OR7E24: variants seen among roughly 807,000 people sequenced by gnomAD.
OR7E24 encodes olfactory receptor 7E24.
For synonymous variants in OR7E24, 130 were observed against 157.5 expected (o/e 0.83, Z 1.31); for missense variants, 385 against 410.3 (o/e 0.94, Z 0.53).
chr19:9,229,776 A>C, the OR7E24 span, among the ~76,000 whole-genome samples: 1 of 152,176 alleles, frequency 6.6e-6, no homozygotes, highest in Non-Finnish European at 1.5e-5. Flanking sequence ...AGGCTCTCTG[A>C]GAGTTCAACC....
the OR7E24 span, chr19:9,213,958 T>C: frequency 1.2e-5 from 19 of 1,614,140 alleles, no homozygotes; most frequent in Non-Finnish European, 1.6e-5. Flanking sequence ...ACATCCTTGT[T>C]CCTCAGGCTG....
chr19:9,251,507 A>C lies in OR7E24; in HGVS notation c.464A>C (p.Asn155Thr). Residue 155 changes from asparagine (N) to threonine (T), a missense_variant, in exon 1 of 1, where the codon AAC (asparagine) becomes ACC (threonine). Asn to Thr is a moderately conservative substitution (Grantham distance 65). Transcript: ENST00000456448. ...CCCCTGCACTACCGAATCATCATGA[A>C]CCCACGCCTCTGTGGCTTCTTAATC... Reference protein sequence around the residue: ...CHPLHYRIIMNPRLCGFLILL... With the variant: ...CHPLHYRIIMTPRLCGFLILL... 1 of 1,614,008 alleles carries C rather than the reference A, an allele frequency of 6.2e-7. No individual in the cohort carries two copies. Among genetic ancestry groups the C allele is most frequent in the Non-Finnish European group, 8.5e-7 (1 of 1,179,994 alleles).
chr19:9,244,515 G>A (rs1024867468), upstream of OR7E24, among the ~76,000 whole-genome samples: 17 of 152,134 alleles, frequency 1.1e-4, no homozygotes, highest in Admixed American at 6.5e-4. Flanking sequence ...GAATGAAGGT[G>A]GGTTCTTACC....
Position 9,251,023 on chromosome 19 carries a change from G to A in OR7E24, c.-21G>A. The A allele has an allele frequency of 6.6e-7, 1 of 1,522,700 alleles. No homozygotes were observed. 94.3% of individuals were successfully genotyped at this position (1,522,700 alleles called of 1,614,324 possible). A position where few individuals can be genotyped will look rare whatever the true frequency, so the allele number is the denominator to read the frequency against. ...TGCTTGTATCCAAAATATAGACACAGTGCTAGATGCTGGTTTACTTATGTC... is the reference window on the plus strand; with the variant it reads ...TGCTTGTATCCAAAATATAGACACAATGCTAGATGCTGGTTTACTTATGTC... On this transcript the variant is annotated 5_prime_UTR_variant, in exon 1 of 1. In the 5' UTR this introduces an upstream ATG that the reference lacks. Transcript: ENST00000456448.
the OR7E24 span, among the ~76,000 whole-genome samples, chr19:9,222,005 A>C: frequency 6.6e-6 from 1 of 152,350 alleles, no homozygotes; most frequent in African/African-American, 2.4e-5. Context: ...TATAGTGTGA[A>C]GTAAATACCT....
At chr19:9,232,790 C>T in the OR7E24 span, among the ~76,000 whole-genome samples, 78 of 152,194 alleles carry the variant, frequency 5.1e-4, no homozygotes, top group African/African-American at 1.8e-3. Context: ...ATTTCCTTGG[C>T]GTGAGGCAGC....
chr19:9,214,662 A>G, the OR7E24 span: 2 of 1,614,162 alleles, frequency 1.2e-6, no homozygotes, highest in African/African-American at 1.3e-5. Context: ...GAAGAAGTAC[A>G]TGGGGGTGTG....
the OR7E24 span, chr19:9,235,153 G>T: frequency 8.5e-7 from 1 of 1,177,874 alleles, no homozygotes; most frequent in South Asian, 1.4e-5. Context: ...CATGGAAGCA[G>T]AAAACCTTAC....
chr19:9,247,483 A>G (rs2066133686), upstream of OR7E24: 1 of 398,654 alleles, frequency 2.5e-6, no homozygotes, highest in East Asian at 3.6e-5. Flanking sequence ...CCTACTCTCC[A>G]TGGTCATGGC....
chr19:9,234,945 T>A, the OR7E24 span, among the ~76,000 whole-genome samples: 1 of 151,878 alleles, frequency 6.6e-6, no homozygotes, highest in African/African-American at 2.4e-5. Context: ...AACTCAGGAG[T>A]ATATGGTAAA....
chr19:9,207,721 C>G, the OR7E24 span: 3 of 152,232 alleles, frequency 2.0e-5, no homozygotes. Flanking sequence ...GTTCCCTTCC[C>G]GCCTTTCTCT....
At chr19:9,236,041 G>T in the OR7E24 span, 3 of 1,605,070 alleles carry the variant, frequency 1.9e-6, no homozygotes, top group African/African-American at 1.3e-5. Flanking sequence ...TGTGAAGGGG[G>T]CCCTGGGGAG....
chr19:9,252,053 A>T lies in OR7E24; in HGVS notation c.1010A>T (p.Tyr337Phe). 6.2e-7 allele frequency: 1 copy of T among 1,613,006 alleles called. No individual in the cohort carries two copies. Among genetic ancestry groups the T allele is most frequent in the Non-Finnish European group, 8.5e-7 (1 of 1,179,308 alleles). Residue 337 changes from tyrosine (Y) to phenylalanine (F), a missense_variant, in exon 1 of 1, where the codon TAT (tyrosine) becomes TTT (phenylalanine). By Grantham distance (22) the Tyr-to-Phe change is conservative. Coordinates refer to ENST00000456448, the MANE Select transcript of OR7E24 (RefSeq NM_001079935.2). ...TCTCATCATCTCCATCCTTTTTGTT[A>T]TATGGGATAGAAATGGCAGCAAAAT... ...IKSHHLHPFCYMG is the reference protein window; with the variant it reads ...IKSHHLHPFCFMG
upstream of OR7E24, among the ~76,000 whole-genome samples, chr19:9,245,986 G>A (rs2066128176): frequency 6.6e-6 from 1 of 150,424 alleles, no homozygotes; most frequent in African/African-American, 2.4e-5. Flanking sequence ...TTCATAGTCT[G>A]GTGAGTGTGT....
At chr19:9,228,032 C>T in the OR7E24 span, among the ~76,000 whole-genome samples, 4 of 152,136 alleles carry the variant, frequency 2.6e-5, no homozygotes, top group Admixed American at 2.0e-4. Context: ...GGATTACAGG[C>T]GTGAGCCACA....
At position 9,251,638 on chromosome 19, in the gene OR7E24, C is replaced by T. The variant is rs781027056; in HGVS notation, c.595C>T (p.Pro199Ser). The change falls in exon 1 of 1, where the codon CCT (proline) becomes TCT (serine). Residue 199 changes from proline (P) to serine (S), a missense_variant. Pro to Ser is a moderately conservative substitution (Grantham distance 74, BLOSUM62 -1). Transcript: ENST00000456448. Reference protein sequence around the residue: ...DVDISNFFCDPSQLLHLRCSD... With the variant: ...DVDISNFFCDSSQLLHLRCSD... Reference sequence around the variant, plus strand: ...GGACATTTCTAATTTCTTCTGTGACCCTTCTCAACTCCTCCACCTTAGGTG... The same window carrying T: ...GGACATTTCTAATTTCTTCTGTGACTCTTCTCAACTCCTCCACCTTAGGTG... 6.2e-7 allele frequency: 1 copy of T among 1,613,196 alleles called. No individual in the cohort carries two copies. The highest frequency in any genetic ancestry group is 1.1e-5 in the South Asian group (1 of 90,954).
chr19:9,250,538 G>A (rs1251208254), upstream of OR7E24, among the ~76,000 whole-genome samples: 2 of 152,140 alleles, frequency 1.3e-5, no homozygotes, highest in East Asian at 1.9e-4. Flanking sequence ...GATGGAAACC[G>A]TAGAATATAA....
At chr19:9,208,285 C>T in the OR7E24 span, 1 of 152,302 alleles carries the variant, frequency 6.6e-6, no homozygotes, top group Non-Finnish European at 1.5e-5. Flanking sequence ...GATCCACCTG[C>T]CTCGGCCTCC....
At chr19:9,221,650 T>G in the OR7E24 span, among the ~76,000 whole-genome samples, 1 of 151,908 alleles carries the variant, frequency 6.6e-6, no homozygotes, top group Non-Finnish European at 1.5e-5. Flanking sequence ...CGCGCCAGGC[T>G]GTCTTTTGCC....
Sources: allele counts gnomAD v4.1 joint callset (sites outside exome capture counted in the v4.1 genomes callset), GRCh38; gene constraint gnomAD v4.1.1; transcripts MANE v1.5; gene names NCBI Gene and HGNC (gene_info 2026-07-23, HGNC 2026-07-21).